TNRC6B: variants seen among roughly 807,000 people sequenced by gnomAD.
The protein encoded by TNRC6B is trinucleotide repeat containing adaptor 6B, also known as trinucleotide repeat-containing gene 6B protein.
TNRC6B carries 52 observed loss-of-function variants against 203.6 expected under a neutral mutation model. That is an observed-to-expected ratio of 0.26 (90% CI 0.20 to 0.32). The LOEUF (loss-of-function observed/expected upper bound fraction) is 0.32. Ranked by LOEUF, TNRC6B falls within the 10% of genes least tolerant of loss-of-function variation. The pLI is 1.00. For synonymous variants in TNRC6B, 838 were observed against 845.7 expected, an observed-to-expected ratio of 0.99 and a Z score of 0.16; for missense variants, 1,923 against 2,286.2, an observed-to-expected ratio of 0.84 and a Z score of 3.24.
chr22:40,242,952 T>G (rs1240591456), intron 1 of TNRC6B, among the ~76,000 whole-genome samples: 1 of 151,866 alleles, frequency 6.6e-6, no homozygotes, highest in African/African-American at 2.4e-5. Context: ...TAACTGCAAC[T>G]TCTGCCTCTG....
chr22:40,141,124 T>C (rs2068640718), intron 3 of TNRC6B, among the ~76,000 whole-genome samples: 1 of 151,464 alleles, frequency 6.6e-6, no homozygotes, highest in Non-Finnish European at 1.5e-5. Context: ...TCTCTCTCTC[T>C]ACTTTTTTTT....
intron 1 of TNRC6B, among the ~76,000 whole-genome samples, chr22:40,109,771 G>A (rs764280340): frequency 8.5e-5 from 13 of 152,104 alleles, no homozygotes; most frequent in African/African-American, 1.2e-4. Context: ...CTCTGAAGGC[G>A]GCACAGGTTA....
chr22:40,205,922 C>T (rs747753083), intron 1 of TNRC6B, among the ~76,000 whole-genome samples: 1 of 152,132 alleles, frequency 6.6e-6, no homozygotes, highest in Non-Finnish European at 1.5e-5. Context: ...TCTCATCTGT[C>T]ATGACGAAGG....
Position 40,331,114 on chromosome 22 carries a change from A to G in TNRC6B, c.*7873A>G, listed in dbSNP as rs1233574032. On this transcript the variant is annotated 3_prime_UTR_variant, in exon 23 of 23. Transcript: ENST00000454349. ...ACACATTCATGCATGTAAACAAGGC[A>G]TTTTCCAGCTTCTGCCGTGTGCAGA... is the stretch of plus-strand genomic sequence containing the variant. The G allele has an allele frequency of 1.3e-5, 2 of 152,568 alleles. No individual in the cohort carries two copies. The highest frequency in any genetic ancestry group is 1.9e-4 in the East Asian group (1 of 5,198). 9.5% of individuals were successfully genotyped at this position (152,568 alleles called of 1,614,324 possible).
chr22:40,139,174 A>G (rs2068624993), intron 3 of TNRC6B, among the ~76,000 whole-genome samples: 1 of 152,184 alleles, frequency 6.6e-6, no homozygotes, highest in South Asian at 2.1e-4. Flanking sequence ...AACATTCCAT[A>G]TAAATAGAAT....
At chr22:40,158,261 C>T (rs2068835971) in intron 4 of TNRC6B, among the ~76,000 whole-genome samples, 1 of 151,880 alleles carries the variant, frequency 6.6e-6, no homozygotes, top group Non-Finnish European at 1.5e-5. Context: ...ATTGCTTGAA[C>T]CCAGGAGGCA....
intron 3 of TNRC6B, among the ~76,000 whole-genome samples, chr22:40,261,462 G>A (rs913157016): frequency 1.3e-5 from 2 of 151,852 alleles, no homozygotes; most frequent in East Asian, 1.9e-4. Context: ...CCTGTAATCC[G>A]AGCTACTTGG....
chr22:40,204,975 C>T (rs2069461161), intron 1 of TNRC6B, among the ~76,000 whole-genome samples: 1 of 152,226 alleles, frequency 6.6e-6, no homozygotes, highest in Non-Finnish European at 1.5e-5. Context: ...TTTTATCTTA[C>T]TGAACATCAT....
chr22:40,137,982 C>CA (rs10578847), intron 3 of TNRC6B, among the ~76,000 whole-genome samples: 1,358 of 109,808 alleles, frequency 0.012, 13 homozygotes, highest in Middle Eastern at 0.022. Context: ...GACTGTATCT[C>CA]AAAAAAAAAA....
intron 3 of TNRC6B, among the ~76,000 whole-genome samples, chr22:40,142,582 G>T (rs999319898): frequency 3.3e-5 from 5 of 152,200 alleles, no homozygotes; most frequent in African/African-American, 1.2e-4. Flanking sequence ...CTTTGTGGAA[G>T]CTGGACTTTA....
chr22:40,087,931 C>G (rs1279088950), intron 1 of TNRC6B, among the ~76,000 whole-genome samples: 1 of 152,152 alleles, frequency 6.6e-6, no homozygotes, highest in Non-Finnish European at 1.5e-5. Flanking sequence ...TTCAGGACCT[C>G]TTGGTCCTCC....
rs935072823 is a variant in TNRC6B, at chr22:40,292,200, A to G, written c.3708+6430A>G. On this transcript the variant is annotated intron_variant, in intron 12 of 22. Transcript: ENST00000454349. ...CAGAGCAAGACTCCGTCTCAAAAAA[A>G]AAGCCAGGCATGGTGGCGCACACCC... is the stretch of plus-strand genomic sequence containing the variant. Among the ~76,000 whole-genome samples, 3 of 151,736 alleles carry G rather than the reference A, an allele frequency of 2.0e-5. No individual in the cohort carries two copies. In the East Asian group the frequency reaches 5.8e-4, roughly 29 times the overall value.
rs763341748 is a variant in TNRC6B at position 40,300,968 on chromosome 22, A to G, written c.3899A>G (p.Lys1300Arg). The part of the protein sequence containing the change: ...QQQQLLQNQR[K>R]ISQAVRQQQE... Reference sequence around the variant, plus strand: ...CAGCAGTTGTTACAGAACCAGAGAAAGATTTCTCAAGCTGTACGCCAACAG... The same window carrying G: ...CAGCAGTTGTTACAGAACCAGAGAAGGATTTCTCAAGCTGTACGCCAACAG... The change falls in exon 14 of 23, where the codon AAG (lysine) becomes AGG (arginine). Residue 1300 changes from lysine to arginine, a missense_variant. By Grantham distance (26) the Lys-to-Arg change is conservative. Around this residue, in one of 8 missense-constraint regions of TNRC6B, gnomAD observed 242 missense variants for 399.5 expected, o/e 0.61. Transcript: ENST00000454349. 2 of 1,613,726 alleles carry G rather than the reference A, an allele frequency of 1.2e-6. No homozygotes were observed. Among genetic ancestry groups the G allele is most frequent in the Non-Finnish European group, 1.7e-6 (2 of 1,179,810 alleles).
intron 6 of TNRC6B, 143 bp downstream of exon 6, chr22:40,270,423 G>A (rs2070545595): frequency 6.0e-6 from 5 of 829,992 alleles, no homozygotes; most frequent in Admixed American, 4.3e-5. Context: ...AGCTTCAAGC[G>A]ATTCTCCTGC....
At chr22:40,207,211 T>C (rs2069489869) in intron 1 of TNRC6B, among the ~76,000 whole-genome samples, 1 of 151,858 alleles carries the variant, frequency 6.6e-6, no homozygotes. Context: ...GAAACAAATA[T>C]GGAAGAATAT....
chr22:40,190,684 T>A (rs905613759), intron 1 of TNRC6B, among the ~76,000 whole-genome samples: 1 of 152,212 alleles, frequency 6.6e-6, no homozygotes, highest in African/African-American at 2.4e-5. Context: ...TGCCCTGGTG[T>A]GATAATGCTA....
intron 1 of TNRC6B, among the ~76,000 whole-genome samples, chr22:40,223,620 A>G (rs1167838231): frequency 6.6e-6 from 1 of 152,222 alleles, no homozygotes; most frequent in Non-Finnish European, 1.5e-5. Flanking sequence ...TTATAATTGC[A>G]TAGTATTCTC....
intron 1 of TNRC6B, among the ~76,000 whole-genome samples, chr22:40,198,745 C>T (rs193134179): frequency 3.0e-4 from 46 of 152,076 alleles, no homozygotes; most frequent in African/African-American, 9.4e-4. Flanking sequence ...TAATAAGGAC[C>T]GATAAAAATA....
intron 1 of TNRC6B, among the ~76,000 whole-genome samples, chr22:40,045,288 T>C (rs2067677507): frequency 7.1e-6 from 1 of 141,140 alleles, no homozygotes; most frequent in Admixed American, 6.9e-5. Flanking sequence ...GGGGAGGGAC[T>C]CGGGGCGACG....
Sources: gnomAD v4.1 joint callset for allele counts (sites outside exome capture counted in the v4.1 genomes callset) on GRCh38, gnomAD v4.1.1 for gene constraint, gnomAD v4.1.1 regional missense constraint, MANE v1.5 for transcripts, NCBI Gene and HGNC (gene_info 2026-07-23, HGNC 2026-07-21) for gene names.